ZNF44: variants seen among roughly 807,000 people sequenced by gnomAD.
The protein encoded by ZNF44 is zinc finger protein 44, also known as gonadotropin inducible transcription repressor-2.
A neutral mutation model predicts 11.7 loss-of-function variants in ZNF44; 9 were observed. The ratio of observed to expected loss-of-function variants is 0.77; its 90% CI spans 0.46 to 1.35. ZNF44 has a LOEUF of 1.35. Ranked by LOEUF, ZNF44 falls within the 40% of genes most tolerant of loss-of-function variation. ZNF44 has a pLI of 0.00. For synonymous variants in ZNF44, 224 were observed against 242.7 expected (o/e 0.92, Z 0.72); for missense variants, 696 against 743.1 (o/e 0.94, Z 0.74).
At chr19:12,230,770 C>A (rs1916130708) in intron 2 of ZNF44, among the ~76,000 whole-genome samples, 1 of 152,124 alleles carries the variant, frequency 6.6e-6, no homozygotes, top group African/African-American at 2.4e-5. Context: ...TTAGAAAAAA[C>A]CTGAGAGGGG....
intron 2 of ZNF44, among the ~76,000 whole-genome samples, chr19:12,275,604 C>T (rs1327189339): frequency 6.6e-6 from 1 of 152,066 alleles, no homozygotes; most frequent in Non-Finnish European, 1.5e-5. Context: ...CAAGATGGAG[C>T]CACTGCACTC....
chr19:12,273,217 A>G lies in ZNF44; in HGVS notation c.1038T>C (p.Phe346=). The G allele has an allele frequency of 6.2e-7, 1 of 1,614,070 alleles. No homozygotes were observed. The highest frequency in any genetic ancestry group is 1.1e-5 in the South Asian group (1 of 91,068). ...PHKCKICGKG[F]DFPGSARIHE... ...GAATTCGTGCTGAACCAGGAAAATC[A>G]AAGCCTTTCCCACATATCTTACATT... Residue 346 remains phenylalanine, a synonymous_variant, in exon 4 of 4, where the codon TTT becomes TTC. Coordinates refer to ENST00000355684, the MANE Select transcript of ZNF44 (RefSeq NM_016264.4).
chr19:12,262,324 G>A (rs1917539644), intron 5 of ZNF44, among the ~76,000 whole-genome samples: 1 of 151,960 alleles, frequency 6.6e-6, no homozygotes, highest in Non-Finnish European at 1.5e-5. Context: ...AGGCTGGAGT[G>A]CAATGGTGTG....
chr19:12,252,629 A>G (rs1385504254), intron 5 of ZNF44, among the ~76,000 whole-genome samples: 1 of 152,144 alleles, frequency 6.6e-6, no homozygotes, highest in African/African-American at 2.4e-5. Flanking sequence ...GGAATACTCT[A>G]TTATGAGTTA....
intron 1 of ZNF44, among the ~76,000 whole-genome samples, chr19:12,288,283 T>C (rs1967846070): frequency 6.6e-6 from 1 of 152,174 alleles, no homozygotes; most frequent in Non-Finnish European, 1.5e-5. Context: ...AGGTTATCAG[T>C]TTGTTATAAA....
intron 5 of ZNF44, chr19:12,260,214 TA>T (rs1033724390): frequency 2.6e-6 from 2 of 779,518 alleles, no homozygotes; most frequent in Non-Finnish European, 4.7e-6. Flanking sequence ...CCAAGCCCAG[TA>T]ACTTGAAGGC....
chr19:12,226,064 C>G (rs986519120), downstream of ZNF44: 1 of 152,168 alleles, frequency 6.6e-6, no homozygotes, highest in African/African-American at 2.4e-5. Context: ...ACATAATTTT[C>G]TCTCTCAAGT....
intron 5 of ZNF44, chr19:12,260,520 G>C (rs879199270): frequency 8.3e-6 from 9 of 1,080,298 alleles, no homozygotes; most frequent in Admixed American, 2.1e-5. Flanking sequence ...GCGGACCCGC[G>C]CCACCAAGAG....
At chr19:12,233,013 T>G (rs1233869653) in intron 2 of ZNF44, among the ~76,000 whole-genome samples, 3 of 152,132 alleles carry the variant, frequency 2.0e-5, no homozygotes, top group Non-Finnish European at 2.9e-5. Flanking sequence ...AAAATTCACC[T>G]TAATCAAAAA....
At chr19:12,288,805 T>TATATATATATA (rs1967879450) in intron 1 of ZNF44, among the ~76,000 whole-genome samples, 11 of 104,386 alleles carry the variant, frequency 1.1e-4, no homozygotes, top group Non-Finnish European at 1.8e-4. Flanking sequence ...TATATATATA[T>TATATATATATA]GAAATCACCT....
chr19:12,276,235 G>T, intron 1 of ZNF44, 153 bp from the exon 2 acceptor site: 1 of 1,196,106 alleles, frequency 8.4e-7, no homozygotes, highest in Non-Finnish European at 1.2e-6. Flanking sequence ...TGCACTCACT[G>T]TCTGATGCTG....
chr19:12,286,942 A>T (rs1300882171), intron 1 of ZNF44, among the ~76,000 whole-genome samples: 1 of 151,936 alleles, frequency 6.6e-6, no homozygotes, highest in Admixed American at 6.6e-5. Context: ...AAAAATAAAA[A>T]AAAAATCATT....
chr19:12,249,975 C>A (rs1057327343), intron 7 of ZNF44: 1 of 1,283,552 alleles, frequency 7.8e-7, no homozygotes, highest in Non-Finnish European at 1.0e-6. Context: ...GAGTGTGACT[C>A]ACCTGAGATT....
At chr19:12,244,064 A>C (rs1470925041), downstream of ZNF44, among the ~76,000 whole-genome samples, 2 of 152,076 alleles carry the variant, frequency 1.3e-5, no homozygotes. Context: ...TTGAGATGAG[A>C]GGGGTCTCAT....
At chr19:12,281,912 C>A (rs771816813) in intron 1 of ZNF44, among the ~76,000 whole-genome samples, 18 of 152,146 alleles carry the variant, frequency 1.2e-4, no homozygotes, top group Non-Finnish European at 8.8e-5. Context: ...AAATAAGCAA[C>A]AGGTCAGAAC....
At chr19:12,262,185 G>A (rs1327170679) in intron 5 of ZNF44, among the ~76,000 whole-genome samples, 1 of 152,144 alleles carries the variant, frequency 6.6e-6, no homozygotes, top group African/African-American at 2.4e-5. Context: ...GATTACATAA[G>A]TTTTGAGTAG....
downstream of ZNF44, among the ~76,000 whole-genome samples, chr19:12,246,322 G>C (rs988365564): frequency 6.6e-6 from 1 of 152,234 alleles, no homozygotes; most frequent in South Asian, 2.1e-4. Flanking sequence ...GAAAGAAAAA[G>C]AGCAAAATAT....
chr19:12,249,969 G>A, intron 7 of ZNF44: 1 of 1,279,632 alleles, frequency 7.8e-7, no homozygotes, highest in Non-Finnish European at 1.0e-6. Context: ...TTTTCTGAGT[G>A]TGACTCACCT....
At chr19:12,276,516 C>A (rs916944929) in intron 1 of ZNF44, among the ~76,000 whole-genome samples, 1 of 152,142 alleles carries the variant, frequency 6.6e-6, no homozygotes, top group African/African-American at 2.4e-5. Flanking sequence ...TAGGGGAGGG[C>A]CCCGTAAGCA....
Sources: allele counts gnomAD v4.1 joint callset (sites outside exome capture counted in the v4.1 genomes callset), GRCh38; gene constraint gnomAD v4.1.1; transcripts MANE v1.5; gene names NCBI Gene and HGNC (gene_info 2026-07-23, HGNC 2026-07-21).